The following TAF8 variants were observed in gnomAD, a reference collection of about 807,000 sequenced individuals.
TAF8 encodes transcription initiation factor TFIID subunit 8.
Under a neutral mutation model 36.5 loss-of-function variants are expected in TAF8, and 47 were observed. The observed-to-expected ratio is 1.29, with a 90% CI of 1.02 to 1.64. The LOEUF is 1.64. TAF8 is among the 40% of genes most tolerant of loss of function. TAF8 has a pLI of 0.00. For synonymous variants in TAF8, 175 were observed against 159.5 expected (o/e 1.10, Z -0.73); for missense variants, 420 against 407.6 (o/e 1.03, Z -0.26).
Position 42,077,159 on chromosome 6 carries a change from G to A in TAF8, c.840G>A (p.Ser280=), listed in dbSNP as rs761539722. 3.9e-5 allele frequency: 63 copies of A among 1,614,056 alleles called. No individual in the cohort carries two copies. The highest frequency in any genetic ancestry group is 3.8e-4 in the Admixed American group (23 of 60,000). ...TSVLQQNPSL[S]GSRNGEENII... ...TCCTGCAGCAGAACCCCTCCTTGTC[G>A]GGTAGCCGGAATGGGGAGGAGAACA... The change falls in exon 8 of 9, where the codon TCG becomes TCA. Residue 280 remains serine (S), a synonymous_variant. Transcript: ENST00000372977.
rs1017305494 is a variant in TAF8 at position 42,079,469 on chromosome 6, C to T, written c.*1924C>T. ...TCCAAGGAAGAAAAATGTAACAACA[C>T]GTGGAAGTGAACACTGGATGAATAA... On this transcript the variant is annotated 3_prime_UTR_variant, in exon 9 of 9. Coordinates refer to ENST00000372977, the MANE Select transcript of TAF8 (RefSeq NM_138572.3). 2.0e-6 allele frequency: 2 copies of T among 985,402 alleles called. No homozygotes were observed. The highest frequency in any genetic ancestry group is 2.4e-6 in the Non-Finnish European group (2 of 829,924). 61.0% of individuals were successfully genotyped at this position (985,402 alleles called of 1,614,324 possible). A position where few individuals can be genotyped will look rare whatever the true frequency, so the allele number is the denominator to read the frequency against.
chr6:42,059,432 C>T (rs1019214868), intron 5 of TAF8, among the ~76,000 whole-genome samples: 1 of 151,418 alleles, frequency 6.6e-6, no homozygotes, highest in African/African-American at 2.4e-5. Context: ...TGTCTTCTTG[C>T]ACTGAGTCAG....
At chr6:42,059,571 G>C (rs1223598442) in intron 5 of TAF8, among the ~76,000 whole-genome samples, 1 of 152,144 alleles carries the variant, frequency 6.6e-6, no homozygotes, top group Non-Finnish European at 1.5e-5. Flanking sequence ...GAATCTTGTA[G>C]CCTCCAGCTG....
intron 2 of TAF8, among the ~76,000 whole-genome samples, chr6:42,055,075 C>T (rs1466570715): frequency 6.6e-6 from 1 of 152,072 alleles, no homozygotes; most frequent in African/African-American, 2.4e-5. Flanking sequence ...AGGCGCCTAC[C>T]ACCAGGCCTG....
intron 7 of TAF8, among the ~76,000 whole-genome samples, chr6:42,075,421 A>G (rs1562020772): frequency 6.6e-6 from 1 of 152,204 alleles, no homozygotes; most frequent in Admixed American, 6.5e-5. Context: ...GAAGAGAACA[A>G]TTGATAGGAC....
Position 42,079,762 on chromosome 6 carries a change from C to T in TAF8, c.*2217C>T, listed in dbSNP as rs1225959400. Reference sequence around the variant, plus strand: ...AGACACGGGATTTTGCTATGTTGCCCAGGCTGGTCTTGAACTCCTGGCCTC... The same window carrying T: ...AGACACGGGATTTTGCTATGTTGCCTAGGCTGGTCTTGAACTCCTGGCCTC... On this transcript the variant is annotated 3_prime_UTR_variant, in exon 9 of 9. Coordinates refer to ENST00000372977, the MANE Select transcript of TAF8 (RefSeq NM_138572.3). 26 of 766,538 alleles carry T rather than the reference C, an allele frequency of 3.4e-5. No homozygotes were observed. Among genetic ancestry groups the T allele is most frequent in the Non-Finnish European group, 3.8e-5 (24 of 630,866 alleles). 47.5% of individuals were successfully genotyped at this position (766,538 alleles called of 1,614,324 possible). A position where few individuals can be genotyped will look rare whatever the true frequency, so the allele number is the denominator to read the frequency against.
chr6:42,050,801 G>A, intron 1 of TAF8: 1 of 905,998 alleles, frequency 1.1e-6, no homozygotes. Context: ...GTTCGCTGTT[G>A]GGGGTTGGGA....
downstream of TAF8, among the ~76,000 whole-genome samples, chr6:42,084,073 C>T (rs924170653): frequency 5.3e-5 from 8 of 149,852 alleles, no homozygotes; most frequent in South Asian, 4.2e-4. Flanking sequence ...CCCAGCTACT[C>T]GGGAGGCTGA....
chr6:42,051,248 TTTTAAAA>T, intron 1 of TAF8, 102 bp from the exon 2 acceptor site: 1 of 1,359,462 alleles, frequency 7.4e-7, no homozygotes, highest in East Asian at 2.4e-5. Flanking sequence ...AAGCACTGAT[TTTTAAAA>T]TAAAATTATT....
At chr6:42,062,742 A>G (rs140055512) in intron 5 of TAF8, among the ~76,000 whole-genome samples, 2,409 of 151,320 alleles carry the variant, frequency 0.016, 64 homozygotes, top group African/African-American at 0.052. Context: ...GGGTTTCACC[A>G]TATTGACCAG....
chr6:42,050,592 G>A lies in TAF8; in HGVS notation c.45+6G>A, dbSNP rs1349982953. On this transcript the variant is annotated splice_donor_region_variant and intron_variant, in intron 1 of 8. Transcript: ENST00000372977. ...GGGCCGGTGGCTCCGGAACGGTAAG[G>A]GCAGGAAGCGCGGGCTCGGAGCCGA... 16 of 1,550,290 alleles carry A rather than the reference G, an allele frequency of 1.0e-5. No homozygotes were observed. The highest frequency in any genetic ancestry group is 1.4e-5 in the African/African-American group (1 of 73,100).
chr6:42,051,711 A>G lies in TAF8; in HGVS notation c.202+198A>G. On this transcript the variant is annotated intron_variant, in intron 2 of 8. Transcript: ENST00000372977. ...CGTGGTGGCTCACGCCTGTAATCCC[A>G]GTACTTTAGGAGGCTGAGGCGGGTG... is the stretch of plus-strand genomic sequence containing the variant. 6.4e-6 allele frequency: 3 copies of G among 467,026 alleles called. No homozygotes were observed. The South Asian group carries it at 8.6e-5, about 13-fold the overall frequency. 28.9% of individuals were successfully genotyped at this position (467,026 alleles called of 1,614,324 possible).
downstream of TAF8, among the ~76,000 whole-genome samples, chr6:42,083,698 C>T (rs566550940): frequency 6.7e-6 from 1 of 148,474 alleles, no homozygotes; most frequent in East Asian, 2.1e-4. Context: ...CACCCGGGGA[C>T]TCTGCCATCA....
chr6:42,063,033 C>T (rs889486267), intron 5 of TAF8, among the ~76,000 whole-genome samples: 1 of 152,210 alleles, frequency 6.6e-6, no homozygotes, highest in African/African-American at 2.4e-5. Context: ...ACTGTGCTTA[C>T]ATCTGCAGTG....
intron 7 of TAF8, among the ~76,000 whole-genome samples, chr6:42,072,860 C>A (rs1229252533): frequency 6.6e-6 from 1 of 151,922 alleles, no homozygotes; most frequent in Non-Finnish European, 1.5e-5. Flanking sequence ...GCAGCTAGGA[C>A]TACAGGCGCC....
At chr6:42,062,704 A>G (rs771114478) in intron 5 of TAF8, among the ~76,000 whole-genome samples, 3 of 144,664 alleles carry the variant, frequency 2.1e-5, no homozygotes, top group Non-Finnish European at 4.6e-5. Context: ...AGCCTGGCTA[A>G]TTTTTTTTTT....
chr6:42,068,684 C>G, intron 7 of TAF8, 77 bp downstream of exon 7: 1 of 1,568,924 alleles, frequency 6.4e-7, no homozygotes, highest in Non-Finnish European at 8.7e-7. Flanking sequence ...ACCCTGGGAC[C>G]TGGACATGAT....
At chr6:42,069,971 GGGT>G (rs976440841) in intron 7 of TAF8, among the ~76,000 whole-genome samples, 4 of 152,138 alleles carry the variant, frequency 2.6e-5, no homozygotes, top group African/African-American at 9.7e-5. Flanking sequence ...CCAAAGCTGT[GGGT>G]GGCTCCAATG....
chr6:42,055,633 A>AGT lies in TAF8; in HGVS notation c.301+5_301+6dup, dbSNP rs1231246964. 7 of 1,611,162 alleles carry AGT rather than the reference A, an allele frequency of 4.3e-6. No individual in the cohort carries two copies. In the East Asian group the frequency reaches 1.6e-4, roughly 36 times the overall value. On this transcript the variant is annotated splice_donor_region_variant and intron_variant, in intron 3 of 8. Transcript: ENST00000372977. ...GTGGTCACACTTGTTGAGATGGGTG[A>AGT]GTATACCTTCAGTTTCCAGTTCTTC...
Sources: allele counts gnomAD v4.1 joint callset (sites outside exome capture counted in the v4.1 genomes callset), GRCh38; gene constraint gnomAD v4.1.1; transcripts MANE v1.5; gene names NCBI Gene and HGNC (gene_info 2026-07-23, HGNC 2026-07-21).